The following GAS2 variants were observed in gnomAD, a reference collection of about 807,000 sequenced individuals.
The protein encoded by GAS2 is growth arrest specific 2.
In GAS2, 20 loss-of-function variants were observed where a neutral mutation model predicts 37.5. The ratio of observed to expected loss-of-function variants is 0.53; its 90% confidence interval spans 0.37 to 0.77. The LOEUF is 0.77. Among genes scored for constraint, GAS2 ranks in the 30% least tolerant of loss-of-function variants. The probability of loss-of-function intolerance (pLI) is 0.00; values close to 1 mark genes in which losing one functional copy is unlikely to be tolerated. For missense variants in GAS2, 336 were observed against 373.4 expected (o/e 0.90, Z 0.82); for synonymous variants, 144 against 132.2 (o/e 1.09, Z -0.61).
At chr11:22,665,025 G>T (rs558386124), upstream of GAS2, among the ~76,000 whole-genome samples, 2 of 151,392 alleles carry the variant, frequency 1.3e-5, no homozygotes, top group Non-Finnish European at 2.9e-5. Flanking sequence ...ATACCTGGAA[G>T]AAATGAGCAT....
At chr11:22,668,730 A>G (rs1323251107) in intron 1 of GAS2, among the ~76,000 whole-genome samples, 2 of 152,230 alleles carry the variant, frequency 1.3e-5, no homozygotes, top group African/African-American at 4.8e-5. Flanking sequence ...GGAAGTCTGC[A>G]TTGAAGACTC....
At chr11:22,691,085 G>A (rs1850225347) in intron 3 of GAS2, among the ~76,000 whole-genome samples, 1 of 152,040 alleles carries the variant, frequency 6.6e-6, no homozygotes, top group African/African-American at 2.4e-5. Flanking sequence ...AGCCCTGGGT[G>A]GTTAGATCAA....
rs1855158721 is a variant in GAS2, at chr11:22,774,633, G to T, written c.723+18680G>T. ...GCAGTATTTGGTATGTTGACTTTAA[G>T]AACTGAGATTATGTTTGAGGAGATA... On this transcript the variant is annotated intron_variant, in intron 7 of 7. Coordinates refer to ENST00000454584, the MANE Select transcript of GAS2 (RefSeq NM_001143830.3). Among the ~76,000 whole-genome samples, 4 of 152,360 alleles carry T rather than the reference G, an allele frequency of 2.6e-5. No individual in the cohort carries two copies. The South Asian group carries it at 6.2e-4, about 24-fold the overall frequency.
chr11:22,808,328 A>G (rs1856991853), intron 7 of GAS2, among the ~76,000 whole-genome samples: 1 of 152,222 alleles, frequency 6.6e-6, no homozygotes, highest in Non-Finnish European at 1.5e-5. Flanking sequence ...GATACATTGT[A>G]AAAGTATTTC....
intron 7 of GAS2, among the ~76,000 whole-genome samples, chr11:22,773,047 G>A (rs1015753659): frequency 6.6e-6 from 1 of 152,120 alleles, no homozygotes; most frequent in African/African-American, 2.4e-5. Flanking sequence ...CCAGTAGAGT[G>A]CTAAGAGGTT....
At chr11:22,735,752 C>T (rs1445501382) in intron 4 of GAS2, among the ~76,000 whole-genome samples, 2 of 151,746 alleles carry the variant, frequency 1.3e-5, no homozygotes, top group African/African-American at 4.8e-5. Flanking sequence ...CAGGTATTAT[C>T]TTTTATAGTT....
chr11:22,766,635 A>G (rs894231640), intron 7 of GAS2, among the ~76,000 whole-genome samples: 3 of 152,200 alleles, frequency 2.0e-5, no homozygotes, highest in African/African-American at 7.2e-5. Flanking sequence ...AGGAAACAGA[A>G]TCTTACAAAA....
intron 7 of GAS2, among the ~76,000 whole-genome samples, chr11:22,761,640 C>G (rs1854397201): frequency 6.6e-6 from 1 of 152,078 alleles, no homozygotes; most frequent in Non-Finnish European, 1.5e-5. Context: ...AGAGTTGAAA[C>G]AGGTTTCTTT....
intron 7 of GAS2, among the ~76,000 whole-genome samples, chr11:22,803,208 C>T (rs572957862): frequency 3.9e-5 from 6 of 152,108 alleles, no homozygotes; most frequent in African/African-American, 1.4e-4. Context: ...GAGATATACA[C>T]TGGACAGAAA....
chr11:22,652,226 CT>C (rs937404261), intron 1 of GAS2, among the ~76,000 whole-genome samples: 3 of 152,194 alleles, frequency 2.0e-5, no homozygotes, highest in Non-Finnish European at 2.9e-5. Context: ...CCCATTTAGG[CT>C]GCTCGGGGGT....
At chr11:22,644,413 A>G (rs1276963012) in intron 1 of GAS2, among the ~76,000 whole-genome samples, 4 of 152,210 alleles carry the variant, frequency 2.6e-5, no homozygotes, top group Non-Finnish European at 5.9e-5. Context: ...TCAGTTAATT[A>G]CCAAGTATAA....
intron 3 of GAS2, among the ~76,000 whole-genome samples, chr11:22,724,357 G>T (rs1046176189): frequency 6.6e-6 from 1 of 151,934 alleles, no homozygotes; most frequent in East Asian, 1.9e-4. Context: ...CTCTCTTGAT[G>T]TATTTTTGTT....
At chr11:22,760,696 G>A (rs1854346922) in intron 7 of GAS2, among the ~76,000 whole-genome samples, 1 of 152,008 alleles carries the variant, frequency 6.6e-6, no homozygotes, top group Non-Finnish European at 1.5e-5. Flanking sequence ...GAAATGATTA[G>A]GATAAAGACA....
chr11:22,766,198 A>C (rs1406594645), intron 7 of GAS2, among the ~76,000 whole-genome samples: 1 of 152,078 alleles, frequency 6.6e-6, no homozygotes, highest in Non-Finnish European at 1.5e-5. Context: ...AATACTCACC[A>C]AATGCTTTCT....
At chr11:22,740,708 A>G (rs1433380188) in intron 5 of GAS2, among the ~76,000 whole-genome samples, 1 of 152,222 alleles carries the variant, frequency 6.6e-6, no homozygotes, top group Non-Finnish European at 1.5e-5. Context: ...ATTAGTTGAA[A>G]GAAAAAAGGG....
At chr11:22,769,085 T>C (rs1854840951) in intron 7 of GAS2, among the ~76,000 whole-genome samples, 1 of 152,232 alleles carries the variant, frequency 6.6e-6, no homozygotes, top group Non-Finnish European at 1.5e-5. Context: ...GAAACTCATA[T>C]GGCAGACAGT....
chr11:22,806,556 G>C (rs1856898575), intron 7 of GAS2, among the ~76,000 whole-genome samples: 2 of 152,056 alleles, frequency 1.3e-5, no homozygotes, highest in Admixed American at 1.3e-4. Context: ...ATACTAACTT[G>C]CATTTCCACC....
chr11:22,755,977 C>T, intron 7 of GAS2, 24 bp downstream of exon 7: 1 of 1,510,804 alleles, frequency 6.6e-7, no homozygotes, highest in Non-Finnish European at 9.1e-7. Flanking sequence ...TTTCACTTAT[C>T]TTGTTTTTAT....
At chr11:22,712,839 G>A (rs1327766835) in intron 3 of GAS2, among the ~76,000 whole-genome samples, 2 of 152,072 alleles carry the variant, frequency 1.3e-5, no homozygotes, top group African/African-American at 4.8e-5. Flanking sequence ...CACTTTAGGA[G>A]GCCAAGGCAG....
Sources: allele counts gnomAD v4.1 joint callset (sites outside exome capture counted in the v4.1 genomes callset), GRCh38; gene constraint gnomAD v4.1.1; transcripts MANE v1.5; gene names NCBI Gene and HGNC (gene_info 2026-07-23, HGNC 2026-07-21).